The following PALS2 variants were observed in gnomAD, a reference collection of about 807,000 sequenced individuals.
PALS2 encodes protein associated with LIN7 2, MAGUK p55 family member, also known as protein PALS2.
PALS2 carries 27 observed loss-of-function variants against 61.6 expected under a neutral mutation model. The ratio of observed to expected loss-of-function variants is 0.44; its 90% CI spans 0.32 to 0.60. The LOEUF (loss-of-function observed/expected upper bound fraction) is 0.60. Among genes scored for constraint, PALS2 ranks in the 20% least tolerant of loss-of-function variants. The pLI is 0.05. For synonymous variants in PALS2, 236 were observed against 218.6 expected (o/e 1.08, Z -0.70); for missense variants, 554 against 639.4 (o/e 0.87, Z 1.44).
At chr7:24,686,019 A>G (rs887232934) in intron 11 of PALS2, among the ~76,000 whole-genome samples, 5 of 152,082 alleles carry the variant, frequency 3.3e-5, no homozygotes, top group East Asian at 1.9e-4. Flanking sequence ...TAAGCTTACC[A>G]TATTACAAAG....
chr7:24,690,541 A>G lies in PALS2; in HGVS notation c.*2927A>G, dbSNP rs963433491. The G allele has an allele frequency of 1.3e-5, 2 of 152,170 alleles. No homozygotes were observed. The highest frequency in any genetic ancestry group is 1.9e-4 in the East Asian group (1 of 5,204). The allele number at this position is 152,170 out of a possible 1,614,324, so 9.4% of individuals were successfully genotyped here. A position where few individuals can be genotyped will look rare whatever the true frequency, so the allele number is the denominator to read the frequency against. The stretch of plus-strand genomic sequence containing the variant: ...AGCACTCAGGGCATGACTGTACACA[A>G]CCTAAGACTATATATATATTTTTTC... On this transcript the variant is annotated 3_prime_UTR_variant, in exon 12 of 12. Transcript: ENST00000222644.
chr7:24,655,398 A>T (rs537398168), intron 5 of PALS2, among the ~76,000 whole-genome samples: 47 of 152,314 alleles, frequency 3.1e-4, no homozygotes, highest in African/African-American at 1.1e-3. Flanking sequence ...TTGTGAACCC[A>T]GGATTCAGGG....
rs201325876 is a variant in PALS2, at chr7:24,641,887, C to T, written c.270+19C>T. 145 of 1,607,540 alleles carry T rather than the reference C, an allele frequency of 9.0e-5. No homozygotes were observed. Among genetic ancestry groups the T allele is most frequent in the Non-Finnish European group, 1.1e-4 (133 of 1,176,274 alleles). ...CTTCCAGGTAACTTTCCCTATCACTCAACTCTCAAGTTCCCTGTATTCCCA... is the reference window on the plus strand; with the variant it reads ...CTTCCAGGTAACTTTCCCTATCACTTAACTCTCAAGTTCCCTGTATTCCCA... On this transcript the variant is annotated intron_variant, in intron 3 of 11. Coordinates refer to ENST00000222644, the MANE Select transcript of PALS2 (RefSeq NM_001303037.2).
chr7:24,676,874 C>T (rs1046224101), intron 9 of PALS2, among the ~76,000 whole-genome samples: 1 of 150,958 alleles, frequency 6.6e-6, no homozygotes, highest in Non-Finnish European at 1.5e-5. Flanking sequence ...CTTTTGGTTC[C>T]ATATGAACTT....
In PALS2 at chr7:24,638,517, G is replaced by A. The variant is rs1223505469; in HGVS notation, c.118-3199G>A. Among the ~76,000 whole-genome samples the A allele has an allele frequency of 4.4e-5, 3 of 68,234 alleles. 1 individual carries two copies. The highest frequency in any genetic ancestry group is 7.0e-5 in the Non-Finnish European group (3 of 43,000). 44.8% of individuals were successfully genotyped at this position (68,234 alleles called of 152,430 possible). A position where few individuals can be genotyped will look rare whatever the true frequency, so the allele number is the denominator to read the frequency against. ...GGCTAATTTTTTGTATTTTTTAGTA[G>A]AGACGGGGTTTCACCGTTTTAGCCG... is the stretch of plus-strand genomic sequence containing the variant. On this transcript the variant is annotated intron_variant, in intron 2 of 11. Transcript: ENST00000222644.
Position 24,649,756 on chromosome 7 carries a change from G to A in PALS2, c.415G>A (p.Glu139Lys). The stretch of plus-strand genomic sequence containing the variant: ...TCTTGGTATTCACAAAAGAGCTGGG[G>A]AACCACTGGTGAGTACAGATAAATC... ...RILGIHKRAG[E>K]PLGVTFRVEN... The change falls in exon 4 of 12, where the codon GAA becomes AAA. Residue 139 changes from glutamate (E) to lysine (K), a missense_variant. Transcript: ENST00000222644. 2 of 1,606,476 alleles carry A rather than the reference G, an allele frequency of 1.2e-6. No individual in the cohort carries two copies. The highest frequency in any genetic ancestry group is 1.7e-6 in the Non-Finnish European group (2 of 1,176,320).
chr7:24,640,865 A>G (rs534546132), intron 2 of PALS2, among the ~76,000 whole-genome samples: 73 of 151,814 alleles, frequency 4.8e-4, no homozygotes, highest in Admixed American at 2.0e-3. Context: ...AAAATTAGCC[A>G]GGCTTGGTGG....
chr7:24,594,918 A>G (rs1413699931), intron 1 of PALS2, among the ~76,000 whole-genome samples: 1 of 152,190 alleles, frequency 6.6e-6, no homozygotes, highest in African/African-American at 2.4e-5. Context: ...ACACAAAGAC[A>G]TGAAGTGAGC....
At chr7:24,644,095 C>CTTTTTTTTTTTTTTT (rs59645237) in intron 3 of PALS2, among the ~76,000 whole-genome samples, 2 of 134,262 alleles carry the variant, frequency 1.5e-5, no homozygotes, top group African/African-American at 5.5e-5. Context: ...TTTCTTTTTT[C>CTTTTTTTTTTTTTTT]TTTTTTTTTT....
intron 1 of PALS2, among the ~76,000 whole-genome samples, chr7:24,587,282 G>A (rs944397209): frequency 3.7e-4 from 56 of 152,108 alleles, no homozygotes; most frequent in African/African-American, 1.3e-3. Context: ...TATAGGGGAG[G>A]GGAAAGAGCA....
intron 3 of PALS2, among the ~76,000 whole-genome samples, chr7:24,646,580 T>A (rs1458389497): frequency 1.3e-5 from 2 of 152,198 alleles, no homozygotes; most frequent in Non-Finnish European, 2.9e-5. Flanking sequence ...ATTTTGACAT[T>A]AATGTTTGTC....
chr7:24,683,238 A>G (rs1470704502), intron 11 of PALS2, among the ~76,000 whole-genome samples: 1 of 152,208 alleles, frequency 6.6e-6, no homozygotes, highest in African/African-American at 2.4e-5. Flanking sequence ...ACTTTTCCTC[A>G]TCAAGTAGTT....
In PALS2 at chr7:24,624,014, G is replaced by A. The variant is rs55714838; in HGVS notation, c.117+230G>A. 430 of 1,237,114 alleles carry A rather than the reference G, an allele frequency of 3.5e-4. 2 individuals carry two copies. Among genetic ancestry groups the A allele is most frequent in the Non-Finnish European group, 4.4e-4 (398 of 899,668 alleles). The allele number at this position is 1,237,114 out of a possible 1,614,324, so 76.6% of individuals were successfully genotyped here. ...AAATGACTCTTAGTTTTGGCGTAATGCCTTTAAGGTTTAGAGAAATCATAC... is the reference window on the plus strand; with the variant it reads ...AAATGACTCTTAGTTTTGGCGTAATACCTTTAAGGTTTAGAGAAATCATAC... On this transcript the variant is annotated intron_variant, in intron 2 of 11. Transcript: ENST00000222644.
chr7:24,619,001 A>G (rs1036491929), intron 1 of PALS2, among the ~76,000 whole-genome samples: 1 of 152,184 alleles, frequency 6.6e-6, no homozygotes, highest in African/African-American at 2.4e-5. Context: ...TGTCTATTTA[A>G]TTGGTCACTT....
At chr7:24,647,619 T>TA (rs1163089143) in intron 3 of PALS2, among the ~76,000 whole-genome samples, 7 of 152,232 alleles carry the variant, frequency 4.6e-5, no homozygotes, top group Non-Finnish European at 7.3e-5. Flanking sequence ...TATTCTTCCA[T>TA]AATGTAGAGC....
chr7:24,603,039 T>C (rs1783774393), intron 1 of PALS2, among the ~76,000 whole-genome samples: 1 of 152,142 alleles, frequency 6.6e-6, no homozygotes, highest in Non-Finnish European at 1.5e-5. Flanking sequence ...CTTTTCTTCA[T>C]AAATTACCCA....
At chr7:24,633,248 G>A (rs1036856828) in intron 2 of PALS2, among the ~76,000 whole-genome samples, 4 of 150,470 alleles carry the variant, frequency 2.7e-5, no homozygotes, top group Non-Finnish European at 4.4e-5. Flanking sequence ...TGCAAGACAG[G>A]TGTAGTAGTA....
At chr7:24,658,278 T>C (rs1286305101) in intron 5 of PALS2, among the ~76,000 whole-genome samples, 2 of 152,222 alleles carry the variant, frequency 1.3e-5, no homozygotes, top group South Asian at 2.1e-4. Flanking sequence ...ATTGGGTCTT[T>C]TTTATATCTG....
intron 1 of PALS2, among the ~76,000 whole-genome samples, chr7:24,622,031 A>G (rs1784542591): frequency 6.6e-6 from 1 of 152,048 alleles, no homozygotes; most frequent in Non-Finnish European, 1.5e-5. Context: ...AGTTGTATGT[A>G]TGTATATATG....
Sources: gnomAD v4.1 joint callset for allele counts (sites outside exome capture counted in the v4.1 genomes callset) on GRCh38, gnomAD v4.1.1 for gene constraint, MANE v1.5 for transcripts, NCBI Gene and HGNC (gene_info 2026-07-23, HGNC 2026-07-21) for gene names.